Variants in ANKRD6 observed in about 807,000 individuals in gnomAD.
ANKRD6 encodes ankyrin repeat domain 6.
Under a neutral mutation model 82.3 loss-of-function variants are expected in ANKRD6, and 56 were observed. The ratio of observed to expected loss-of-function variants is 0.68; its 90% CI spans 0.55 to 0.85. The LOEUF (loss-of-function observed/expected upper bound fraction) is 0.85, where lower values mean the gene tolerates loss of function less well. Among genes scored for constraint, ANKRD6 ranks in the 40% least tolerant of loss-of-function variants. The pLI, the probability that ANKRD6 is intolerant of heterozygous loss-of-function variation, is 0.00. For missense variants in ANKRD6, 852 were observed against 907.6 expected (o/e 0.94, Z 0.79); for synonymous variants, 347 against 352.1 (o/e 0.99, Z 0.16).
chr6:89,569,706 C>T (rs1219877752), intron 2 of ANKRD6, among the ~76,000 whole-genome samples: 1 of 152,234 alleles, frequency 6.6e-6, no homozygotes, highest in Non-Finnish European at 1.5e-5. Flanking sequence ...TTACATTCTA[C>T]CAGCAATGTA....
chr6:89,458,309 A>G (rs948005872), intron 1 of ANKRD6, among the ~76,000 whole-genome samples: 1 of 152,200 alleles, frequency 6.6e-6, no homozygotes, highest in African/African-American at 2.4e-5. Flanking sequence ...GTTTCTTTAG[A>G]GGGACAGAAC....
chr6:89,546,357 A>G (rs755828288), intron 1 of ANKRD6, among the ~76,000 whole-genome samples: 7 of 152,180 alleles, frequency 4.6e-5, no homozygotes, highest in East Asian at 1.9e-4. Context: ...TTTCATATAT[A>G]TGTAATTTTT....
intron 1 of ANKRD6, among the ~76,000 whole-genome samples, chr6:89,531,165 C>T (rs1451607359): frequency 1.3e-5 from 2 of 152,184 alleles, no homozygotes; most frequent in Non-Finnish European, 1.5e-5. Flanking sequence ...CCTGCCAGTG[C>T]GCGGAAGGTG....
chr6:89,515,991 A>G lies in ANKRD6; in HGVS notation c.-143-50843A>G, dbSNP rs535464276. 2.0e-5 allele frequency among the ~76,000 whole-genome samples: 3 copies of G among 152,286 alleles called. No homozygotes were observed. The South Asian group carries it at 6.2e-4, about 32-fold the overall frequency. ...AAGAAGCTAAAAGGGACAAGGAACA[A>G]TTTTCCCCTAGAGCCTCTGAAGGGA... On this transcript the variant is annotated intron_variant, in intron 1 of 15. Coordinates refer to ENST00000339746, the MANE Select transcript of ANKRD6 (RefSeq NM_001242809.2).
At chr6:89,616,313 C>T (rs887936025) in intron 7 of ANKRD6, 3 of 504,746 alleles carry the variant, frequency 5.9e-6, no homozygotes, top group East Asian at 3.5e-5. Context: ...TTTGCCCCTG[C>T]GTTTAATCCT....
intron 2 of ANKRD6, among the ~76,000 whole-genome samples, chr6:89,594,798 A>C (rs1222665017): frequency 6.6e-6 from 1 of 152,208 alleles, no homozygotes; most frequent in Non-Finnish European, 1.5e-5. Context: ...GCTGAAGTGC[A>C]GTGGTACAAT....
chr6:89,530,057 C>T (rs1471297139), intron 1 of ANKRD6, among the ~76,000 whole-genome samples: 1 of 151,812 alleles, frequency 6.6e-6, no homozygotes, highest in Non-Finnish European at 1.5e-5. Context: ...AGGTCGAGAC[C>T]AGCCTGGGCA....
intron 1 of ANKRD6, among the ~76,000 whole-genome samples, chr6:89,498,519 T>G (rs1778899757): frequency 7.1e-6 from 1 of 140,152 alleles, no homozygotes; most frequent in South Asian, 2.2e-4. Flanking sequence ...TCCCTTTATA[T>G]ATATATATTT....
chr6:89,581,164 A>G (rs1792432310), intron 2 of ANKRD6, among the ~76,000 whole-genome samples: 1 of 152,208 alleles, frequency 6.6e-6, no homozygotes, highest in Non-Finnish European at 1.5e-5. Context: ...ATTGTGGGAT[A>G]CTATACTCTC....
chr6:89,566,938 T>C lies in ANKRD6; in HGVS notation c.-39T>C. ...TGACTTCGTGTTGAGCTGAAGGAAC[T>C]TGTCTACCGCTTCCCTGAAAACCTT... On this transcript the variant is annotated 5_prime_UTR_variant, in exon 2 of 16. Transcript: ENST00000339746. 6.4e-7 allele frequency: 1 copy of C among 1,553,634 alleles called. No homozygotes were observed. Among genetic ancestry groups the C allele is most frequent in the Non-Finnish European group, 8.7e-7 (1 of 1,147,880 alleles).
rs1373111189 is a variant in ANKRD6, at chr6:89,612,381, A to C, written c.516+11A>C. ...GACCTCAAAAATAATGTGGGTGAAC[A>C]AAACCAGATTCTCACGTTCTCTCTT... On this transcript the variant is annotated intron_variant, in intron 6 of 15. Coordinates refer to ENST00000339746, the MANE Select transcript of ANKRD6 (RefSeq NM_001242809.2). The C allele has an allele frequency of 6.5e-7, 1 of 1,540,422 alleles. No individual in the cohort carries two copies. Among genetic ancestry groups the C allele is most frequent in the East Asian group, 2.4e-5 (1 of 40,844 alleles).
At chr6:89,582,232 G>T (rs755320565) in intron 2 of ANKRD6, among the ~76,000 whole-genome samples, 90 of 152,240 alleles carry the variant, frequency 5.9e-4, no homozygotes, top group Non-Finnish European at 1.1e-3. Context: ...TGTAGAGATG[G>T]TGGGGGTGGA....
rs192674037 is a variant in ANKRD6 at position 89,567,559 on chromosome 6, A to C, written c.120+463A>C. ...GGCTTTGATTTCATGTGGGTCAGTG[A>C]AGATGGGTGGTAAGCTTTGGAGGGC... On this transcript the variant is annotated intron_variant, in intron 2 of 15. Coordinates refer to ENST00000339746, the MANE Select transcript of ANKRD6 (RefSeq NM_001242809.2). 2.0e-5 allele frequency among the ~76,000 whole-genome samples: 3 copies of C among 152,310 alleles called. No homozygotes were observed. The East Asian group carries it at 5.8e-4, about 29-fold the overall frequency.
At chr6:89,598,247 G>A (rs535690958) in intron 3 of ANKRD6, 24 of 985,344 alleles carry the variant, frequency 2.4e-5, no homozygotes, top group South Asian at 9.4e-5. Context: ...CCTGCCAATC[G>A]TGTCAACTCT....
intron 1 of ANKRD6, among the ~76,000 whole-genome samples, chr6:89,465,562 T>G (rs1774752358): frequency 1.3e-5 from 2 of 152,118 alleles, no homozygotes; most frequent in Non-Finnish European, 2.9e-5. Context: ...CAGTTTCCTC[T>G]GTTTAAAATG....
At chr6:89,442,990 A>G (rs370983655) in intron 1 of ANKRD6, among the ~76,000 whole-genome samples, 4 of 152,352 alleles carry the variant, frequency 2.6e-5, no homozygotes, top group South Asian at 4.1e-4. Context: ...TTCCCCCCAC[A>G]AAAGATGGCT....
intron 1 of ANKRD6, among the ~76,000 whole-genome samples, chr6:89,449,698 C>T (rs765710042): frequency 1.3e-5 from 2 of 152,186 alleles, no homozygotes; most frequent in Non-Finnish European, 2.9e-5. Flanking sequence ...GCTCTGTTTT[C>T]AAGCACCTTA....
intron 2 of ANKRD6, among the ~76,000 whole-genome samples, chr6:89,593,968 G>C (rs1795373010): frequency 6.6e-6 from 1 of 152,316 alleles, no homozygotes; most frequent in South Asian, 2.1e-4. Flanking sequence ...CCCAGCAACA[G>C]GGCTAAGAAG....
At chr6:89,533,936 A>G (rs571071464) in intron 1 of ANKRD6, among the ~76,000 whole-genome samples, 2 of 152,304 alleles carry the variant, frequency 1.3e-5, no homozygotes, top group African/African-American at 2.4e-5. Context: ...TGATTTTCTG[A>G]AATCCAGTAT....
Sources: allele counts gnomAD v4.1 joint callset (sites outside exome capture counted in the v4.1 genomes callset), GRCh38; gene constraint gnomAD v4.1.1; transcripts MANE v1.5; gene names NCBI Gene and HGNC (gene_info 2026-07-23, HGNC 2026-07-21).